Variants in PRKN observed in about 807,000 individuals in gnomAD.
PRKN encodes E3 ubiquitin-protein ligase parkin.
PRKN carries 56 observed loss-of-function variants against 59.5 expected under a neutral mutation model. The observed-to-expected ratio is 0.94, with a 90% confidence interval of 0.76 to 1.18. The LOEUF is 1.18. Among genes scored for constraint, PRKN ranks in the 50% most tolerant of loss-of-function variants. PRKN has a pLI of 0.00. For synonymous variants in PRKN, 250 were observed against 222.1 expected (o/e 1.13, Z -1.12); for missense variants, 657 against 596.4 (o/e 1.10, Z -1.06).
chr6:161,537,629 T>G (rs1273093976), intron 9 of PRKN, among the ~76,000 whole-genome samples: 2 of 152,070 alleles, frequency 1.3e-5, no homozygotes, highest in Admixed American at 6.6e-5. Flanking sequence ...TTTTTTGTGT[T>G]TTTAGTAGAG....
intron 7 of PRKN, among the ~76,000 whole-genome samples, chr6:161,698,427 A>T (rs1183983666): frequency 6.6e-6 from 1 of 152,184 alleles, no homozygotes; most frequent in Non-Finnish European, 1.5e-5. Flanking sequence ...AAGAAACCAC[A>T]GTAGTTAGAA....
chr6:162,408,492 T>A (rs910655143), intron 2 of PRKN, among the ~76,000 whole-genome samples: 17 of 152,274 alleles, frequency 1.1e-4, no homozygotes, highest in Non-Finnish European at 1.9e-4. Flanking sequence ...TTAGGGTACA[T>A]CTCTAAAGCA....
At position 162,695,539 on chromosome 6, in the gene PRKN, T is replaced by C. The variant is rs181194095; in HGVS notation, c.7+32123A>G. Among the ~76,000 whole-genome samples, 75 of 152,288 alleles carry C rather than the reference T, an allele frequency of 4.9e-4. No homozygotes were observed. In the East Asian group the frequency reaches 9.3e-3, roughly 19 times the overall value. ...ACTTACATGGTATATTTTTCTAATT[T>C]TTCTATCAATTTCTATCATTTTCCA... On this transcript the variant is annotated intron_variant, in intron 1 of 11. Transcript: ENST00000366898.
Position 161,445,773 on chromosome 6 carries a change from C to T in PRKN, c.1084-58896G>A, listed in dbSNP as rs771294615. On this transcript the variant is annotated intron_variant, in intron 9 of 11. Transcript: ENST00000366898. This position sits in a 1 kb window ranked among gnomAD's most constrained non-coding sequence, Gnocchi z 7.7. ...CTGGGCCCACTTTCCTGCTATTGGC[C>T]GCCAGCAAAGAATACAAGGGGTTTC... Among the ~76,000 whole-genome samples, 14 of 151,506 alleles carry T rather than the reference C, an allele frequency of 9.2e-5. No individual in the cohort carries two copies. Among genetic ancestry groups the T allele is most frequent in the East Asian group, 2.0e-4 (1 of 5,050 alleles).
intron 6 of PRKN, among the ~76,000 whole-genome samples, chr6:161,918,691 T>C (rs1057454262): frequency 1.3e-5 from 2 of 152,208 alleles, no homozygotes; most frequent in Non-Finnish European, 2.9e-5. Context: ...AAAACTTCTA[T>C]GCACGGGAAA....
chr6:162,605,701 G>GA (rs1423434439), intron 1 of PRKN, among the ~76,000 whole-genome samples: 5 of 152,106 alleles, frequency 3.3e-5, no homozygotes, highest in African/African-American at 1.2e-4. Context: ...CTAGGGTAAT[G>GA]ATTTATTATA....
intron 4 of PRKN, among the ~76,000 whole-genome samples, chr6:162,098,889 G>A (rs1466467659): frequency 6.6e-6 from 1 of 152,162 alleles, no homozygotes; most frequent in Non-Finnish European, 1.5e-5. Context: ...GTGAAGAGGG[G>A]TGGATGGATG....
intron 3 of PRKN, among the ~76,000 whole-genome samples, chr6:162,217,738 T>C (rs1777745480): frequency 1.3e-5 from 2 of 152,174 alleles, no homozygotes. Flanking sequence ...CAGAGGAATA[T>C]GTAAGATTCT....
chr6:161,882,919 C>T (rs1156544625), intron 6 of PRKN, among the ~76,000 whole-genome samples: 1 of 151,416 alleles, frequency 6.6e-6, no homozygotes, highest in Non-Finnish European at 1.5e-5. Flanking sequence ...GCATGATAAT[C>T]GCTTGAATCC....
chr6:161,691,686 C>A (rs1033212112), intron 7 of PRKN, among the ~76,000 whole-genome samples: 1 of 152,030 alleles, frequency 6.6e-6, no homozygotes, highest in Non-Finnish European at 1.5e-5. Context: ...AGATCACCAA[C>A]AAAAAGCACA....
chr6:162,141,015 A>G (rs1051051932), intron 4 of PRKN, among the ~76,000 whole-genome samples: 33 of 151,996 alleles, frequency 2.2e-4, no homozygotes, highest in African/African-American at 7.7e-4. Context: ...TTATAGTCCC[A>G]GCTACTTCGG....
chr6:161,630,831 C>T (rs1783276520), intron 7 of PRKN, among the ~76,000 whole-genome samples: 1 of 152,176 alleles, frequency 6.6e-6, no homozygotes, highest in Non-Finnish European at 1.5e-5. Flanking sequence ...TAAAAGACCA[C>T]ACAGTGACAG....
Position 161,379,551 on chromosome 6 carries a change from G to A in PRKN, c.1167+7243C>T, listed in dbSNP as rs893334399. On this transcript the variant is annotated intron_variant, in intron 10 of 11. Coordinates refer to ENST00000366898, the MANE Select transcript of PRKN (RefSeq NM_004562.3). The surrounding 1 kb of genome is among the most constrained non-coding windows in gnomAD (Gnocchi z 4.9). ...GATATCCCTGCTGCTGGGTATGTCC[G>A]CAGCAGACAGCTCTCTGCCAAGTCT... Among the ~76,000 whole-genome samples, 2 of 152,198 alleles carry A rather than the reference G, an allele frequency of 1.3e-5. No homozygotes were observed. Among genetic ancestry groups the A allele is most frequent in the South Asian group, 2.1e-4 (1 of 4,834 alleles).
chr6:162,249,989 T>C (rs938361322), intron 3 of PRKN, among the ~76,000 whole-genome samples: 1 of 151,818 alleles, frequency 6.6e-6, no homozygotes, highest in African/African-American at 2.4e-5. Flanking sequence ...CTACTAAAAA[T>C]ACAAAAGTTA....
In PRKN at chr6:161,544,270, G is replaced by A. The variant is rs1779717452; in HGVS notation, c.1083+4584C>T. On this transcript the variant is annotated intron_variant, in intron 9 of 11. Transcript: ENST00000366898. This position sits in a 1 kb window ranked among gnomAD's most constrained non-coding sequence, Gnocchi z 5.5. ...TTCAGGTTTCTAATGGACTTTTTGTGGATCCCTGAACATAGTGTTATTTTG... is the reference window on the plus strand; with the variant it reads ...TTCAGGTTTCTAATGGACTTTTTGTAGATCCCTGAACATAGTGTTATTTTG... Among the ~76,000 whole-genome samples, 2 of 152,172 alleles carry A rather than the reference G, an allele frequency of 1.3e-5. No homozygotes were observed. The highest frequency in any genetic ancestry group is 4.2e-4 in the South Asian group (2 of 4,812).
intron 2 of PRKN, among the ~76,000 whole-genome samples, chr6:162,390,124 G>A (rs1787085411): frequency 6.6e-6 from 1 of 151,816 alleles, no homozygotes; most frequent in Admixed American, 6.6e-5. Context: ...CGTAAATGTT[G>A]GAAACTCCTT....
At chr6:161,617,783 T>C (rs901208426) in intron 7 of PRKN, among the ~76,000 whole-genome samples, 1 of 152,238 alleles carries the variant, frequency 6.6e-6, no homozygotes, top group Non-Finnish European at 1.5e-5. Context: ...TGAAATGGCA[T>C]GGGATGGGGG....
chr6:162,193,757 A>G (rs905739388), intron 4 of PRKN, among the ~76,000 whole-genome samples: 1 of 152,126 alleles, frequency 6.6e-6, no homozygotes, highest in African/African-American at 2.4e-5. Context: ...AAGTTCTAAA[A>G]TTTGATTATT....
intron 2 of PRKN, among the ~76,000 whole-genome samples, chr6:162,366,246 AT>A (rs1280238804): frequency 6.6e-6 from 1 of 152,160 alleles, no homozygotes; most frequent in Non-Finnish European, 1.5e-5. Context: ...CAAATTAATC[AT>A]TGTTGAAAAT....
Sources: allele counts gnomAD v4.1 joint callset (sites outside exome capture counted in the v4.1 genomes callset), GRCh38; gene constraint gnomAD v4.1.1; non-coding constraint Gnocchi (gnomAD v3.1); transcripts MANE v1.5; gene names NCBI Gene and HGNC (gene_info 2026-07-23, HGNC 2026-07-21).